Variants in RSPO4 observed in about 807,000 individuals in gnomAD.
RSPO4 encodes the protein R-spondin-4.
A neutral mutation model predicts 24.8 loss-of-function variants in RSPO4; 23 were observed. The observed-to-expected ratio is 0.93, with a 90% CI of 0.67 to 1.31. The LOEUF (loss-of-function observed/expected upper bound fraction) is 1.31, where lower values mean the gene tolerates loss of function less well. Ranked by LOEUF, RSPO4 falls within the 40% of genes most tolerant of loss-of-function variation. The pLI is 0.00. For missense variants in RSPO4, 333 were observed against 316.5 expected (o/e 1.05, Z -0.39); for synonymous variants, 141 against 127.4 (o/e 1.11, Z -0.72).
intron 1 of RSPO4, among the ~76,000 whole-genome samples, chr20:1,001,741 G>A (rs1270970957): frequency 1.3e-5 from 2 of 152,154 alleles, no homozygotes; most frequent in African/African-American, 4.8e-5. Flanking sequence ...ACGCCACTGA[G>A]TCTGTCTCCT....
intron 4 of RSPO4, 27 bp from the exon 5 acceptor site, chr20:960,493 A>G (rs2122203404): frequency 6.6e-7 from 1 of 1,509,970 alleles, no homozygotes; most frequent in Non-Finnish European, 8.9e-7. Context: ...GAGCCCGGTG[A>G]CCAAGGCTGC....
chr20:970,424 G>A lies in RSPO4; in HGVS notation c.80-2286C>T, dbSNP rs567967796. ...TAACTCAGGAGGCTTACTGATCCAG[G>A]GTCGTACGGAAGCACACAGTAACTA... On this transcript the variant is annotated intron_variant, in intron 1 of 4. Transcript: ENST00000217260. The surrounding 1 kb of genome is among the most constrained non-coding windows in gnomAD (Gnocchi z 4.1). Among the ~76,000 whole-genome samples, 121 of 152,134 alleles carry A rather than the reference G, an allele frequency of 8.0e-4. 5 individuals are homozygous for A. In the South Asian group the frequency reaches 0.024, roughly 30 times the overall value.
intron 1 of RSPO4, among the ~76,000 whole-genome samples, chr20:993,531 T>C (rs1270651282): frequency 6.6e-6 from 1 of 152,090 alleles, no homozygotes; most frequent in East Asian, 1.9e-4. Context: ...GGCAAGTTGA[T>C]TCCCCTCCCT....
chr20:985,285 C>G (rs1984883699), intron 1 of RSPO4, among the ~76,000 whole-genome samples: 2 of 146,852 alleles, frequency 1.4e-5, no homozygotes, highest in Admixed American at 6.7e-5. Flanking sequence ...ACCCACTCAT[C>G]TATCCATCCA....
chr20:965,272 G>C (rs11087830), intron 3 of RSPO4, among the ~76,000 whole-genome samples: 7,865 of 152,126 alleles, frequency 0.052, 289 homozygotes, highest in East Asian at 0.21. Flanking sequence ...GCGGGGAAGG[G>C]GAGCCTAGCC....
intron 1 of RSPO4, among the ~76,000 whole-genome samples, chr20:996,910 A>G (rs1329758694): frequency 6.6e-6 from 1 of 152,174 alleles, no homozygotes; most frequent in Non-Finnish European, 1.5e-5. Flanking sequence ...TCTGCCTGAC[A>G]AAATCCTAAA....
chr20:987,850 CA>C (rs1378748614), intron 1 of RSPO4, among the ~76,000 whole-genome samples: 2 of 152,190 alleles, frequency 1.3e-5, no homozygotes, highest in East Asian at 3.8e-4. Context: ...TTGTTCCTTC[CA>C]CAGATATTTA....
At chr20:973,650 A>G (rs921435496) in intron 1 of RSPO4, among the ~76,000 whole-genome samples, 2 of 151,960 alleles carry the variant, frequency 1.3e-5, no homozygotes, top group African/African-American at 4.8e-5. Context: ...ATTTTTTTGT[A>G]TTTTTAGTAG....
intron 1 of RSPO4, among the ~76,000 whole-genome samples, chr20:992,265 T>TTC (rs2122265850): frequency 8.4e-6 from 1 of 118,692 alleles, no homozygotes; most frequent in East Asian, 2.4e-4. Flanking sequence ...TCCACTTTCT[T>TTC]TTTTTTTTTT....
At chr20:991,887 G>A (rs1286467292) in intron 1 of RSPO4, among the ~76,000 whole-genome samples, 3 of 152,006 alleles carry the variant, frequency 2.0e-5, no homozygotes, top group African/African-American at 7.2e-5. Flanking sequence ...AAAGAATAAA[G>A]AAAAACTAAT....
chr20:973,041 G>C (rs556908578), intron 1 of RSPO4, among the ~76,000 whole-genome samples: 3 of 152,232 alleles, frequency 2.0e-5, no homozygotes, highest in African/African-American at 7.2e-5. Context: ...GAGAATCAAG[G>C]AGGTGAAACG....
At chr20:965,086 G>A (rs1462465775) in intron 3 of RSPO4, among the ~76,000 whole-genome samples, 2 of 152,236 alleles carry the variant, frequency 1.3e-5, no homozygotes, top group African/African-American at 4.8e-5. Context: ...GCTATTCTGG[G>A]TGCTGAGGGA....
chr20:975,793 C>T (rs1045949812), intron 1 of RSPO4, among the ~76,000 whole-genome samples: 3 of 152,092 alleles, frequency 2.0e-5, no homozygotes, highest in African/African-American at 4.8e-5. Flanking sequence ...GTTGTGTGAC[C>T]TTGGGCAAGG....
intron 4 of RSPO4, 100 bp downstream of exon 4, chr20:963,835 G>A (rs6140797): frequency 8.1e-7 from 1 of 1,240,778 alleles, no homozygotes; most frequent in South Asian, 1.2e-5. Flanking sequence ...TGGCCTTTCA[G>A]GCAGTCTCAT....
rs73571669 is a variant in RSPO4 at position 990,522 on chromosome 20, C to T, written c.79+11564G>A. 8.7e-5 allele frequency among the ~76,000 whole-genome samples: 13 copies of T among 149,338 alleles called. No homozygotes were observed. In the East Asian group the frequency reaches 1.4e-3, roughly 16 times the overall value. On this transcript the variant is annotated intron_variant, in intron 1 of 4. Transcript: ENST00000217260. ...CCTTCTTTCCTTCCTCCCTCCCTCCCTCCTTCCTTCCTTTCTTTTTCTTTC... is the reference window on the plus strand; with the variant it reads ...CCTTCTTTCCTTCCTCCCTCCCTCCTTCCTTCCTTCCTTTCTTTTTCTTTC...
At chr20:984,326 G>A (rs562820759) in intron 1 of RSPO4, among the ~76,000 whole-genome samples, 31 of 131,158 alleles carry the variant, frequency 2.4e-4, no homozygotes, top group African/African-American at 1.2e-3. Context: ...GCGACAGAGT[G>A]AGACTCTGTC....
chr20:961,659 TG>T (rs1253030866), intron 4 of RSPO4, among the ~76,000 whole-genome samples: 1 of 152,100 alleles, frequency 6.6e-6, no homozygotes, highest in Non-Finnish European at 1.5e-5. Context: ...AGATGGGGTG[TG>T]GGTGCTGCCT....
intron 1 of RSPO4, among the ~76,000 whole-genome samples, chr20:999,673 G>C (rs1475521752): frequency 6.6e-6 from 1 of 152,156 alleles, no homozygotes; most frequent in African/African-American, 2.4e-5. Flanking sequence ...AGGTACTGGA[G>C]GAGGGATGCT....
In RSPO4 at chr20:967,329, G is replaced by C; in HGVS notation, c.269-15C>G. The C allele has an allele frequency of 6.2e-7, 1 of 1,613,846 alleles. No individual in the cohort carries two copies. Among genetic ancestry groups the C allele is most frequent in the Non-Finnish European group, 8.5e-7 (1 of 1,180,020 alleles). On this transcript the variant is annotated splice_polypyrimidine_tract_variant and intron_variant, in intron 2 of 4. Transcript: ENST00000217260. ...GGCCCCACATTCTGTAATAGAGCCA[G>C]GGACACCCCAGGTGAGGGAGACTGC...
Sources: gnomAD v4.1 joint callset for allele counts (sites outside exome capture counted in the v4.1 genomes callset) on GRCh38, gnomAD v4.1.1 for gene constraint, Gnocchi (gnomAD v3.1) non-coding constraint, MANE v1.5 for transcripts, NCBI Gene and HGNC (gene_info 2026-07-23, HGNC 2026-07-21) for gene names.